NAALADL2: variants seen among roughly 807,000 people sequenced by gnomAD.
The protein encoded by NAALADL2 is inactive N-acetylated-alpha-linked acidic dipeptidase-like protein 2.
Under a neutral mutation model 87.2 loss-of-function variants are expected in NAALADL2, and 76 were observed. The ratio of observed to expected loss-of-function variants is 0.87; its 90% CI spans 0.72 to 1.05. NAALADL2 has a LOEUF of 1.05. NAALADL2 is among the 50% of genes least tolerant of loss of function. NAALADL2 has a pLI of 0.00. For missense variants in NAALADL2, 1,089 were observed against 945.8 expected (o/e 1.15, Z -1.99); for synonymous variants, 354 against 331.0 (o/e 1.07, Z -0.75).
chr3:174,749,634 T>G (rs939445474), intron 3 of NAALADL2, among the ~76,000 whole-genome samples: 2 of 152,220 alleles, frequency 1.3e-5, no homozygotes, highest in African/African-American at 2.4e-5. Context: ...CTTAAGGTTC[T>G]GCATCCATTG....
chr3:174,724,885 C>T (rs568500518), intron 2 of NAALADL2, among the ~76,000 whole-genome samples: 2 of 152,174 alleles, frequency 1.3e-5, no homozygotes, highest in African/African-American at 2.4e-5. Context: ...AATGTGACAA[C>T]TTTGAGAATT....
chr3:174,704,557 A>T (rs1477948336), intron 2 of NAALADL2, among the ~76,000 whole-genome samples: 1 of 152,150 alleles, frequency 6.6e-6, no homozygotes, highest in East Asian at 1.9e-4. Flanking sequence ...AGGATAAATG[A>T]GACAAGTTTA....
intron 3 of NAALADL2, among the ~76,000 whole-genome samples, chr3:175,239,345 A>T (rs1746438170): frequency 6.6e-6 from 1 of 152,226 alleles, no homozygotes; most frequent in Admixed American, 6.5e-5. Flanking sequence ...TATTATCATA[A>T]GGTTAAAGAC....
chr3:175,376,562 C>T (rs945023250), intron 5 of NAALADL2, among the ~76,000 whole-genome samples: 3 of 152,058 alleles, frequency 2.0e-5, no homozygotes, highest in Admixed American at 2.0e-4. Flanking sequence ...TTATTATTGA[C>T]CTTAAGCCAT....
At chr3:175,684,584 A>G (rs1736016391) in intron 11 of NAALADL2, among the ~76,000 whole-genome samples, 1 of 152,182 alleles carries the variant, frequency 6.6e-6, no homozygotes, top group South Asian at 2.1e-4. Context: ...ACTTGATGCC[A>G]GGAGTTTGAG....
intron 2 of NAALADL2, among the ~76,000 whole-genome samples, chr3:174,640,496 C>G (rs895415659): frequency 4.6e-5 from 7 of 152,152 alleles, no homozygotes; most frequent in Non-Finnish European, 8.8e-5. Context: ...GAGTCCACCT[C>G]CACCCAGAGG....
chr3:175,638,012 T>C lies in NAALADL2; in HGVS notation c.1896+10626T>C, dbSNP rs138847966. ...AGGCATAAAATAAATGTGTGACATT[T>C]GGAATAATTTTAAAAAGAGCAATAT... On this transcript the variant is annotated intron_variant, in intron 11 of 13. Transcript: ENST00000454872. Among the ~76,000 whole-genome samples, 965 of 152,330 alleles carry C rather than the reference T, an allele frequency of 6.3e-3. 6 individuals carry two copies. Among genetic ancestry groups the C allele is most frequent in the Non-Finnish European group, 0.011 (722 of 68,026 alleles).
At chr3:174,980,044 C>G (rs1191596588) in intron 1 of NAALADL2, among the ~76,000 whole-genome samples, 1 of 152,138 alleles carries the variant, frequency 6.6e-6, no homozygotes, top group Non-Finnish European at 1.5e-5. Flanking sequence ...CTCTCTCTTA[C>G]CTGAGCCCAC....
chr3:175,344,773 A>T (rs932088753), intron 5 of NAALADL2, among the ~76,000 whole-genome samples: 5 of 152,106 alleles, frequency 3.3e-5, no homozygotes, highest in African/African-American at 1.2e-4. Context: ...TTTCATATTA[A>T]TTTTTTATCA....
intron 9 of NAALADL2, among the ~76,000 whole-genome samples, chr3:175,540,672 G>A (rs542304023): frequency 6.6e-6 from 1 of 152,170 alleles, no homozygotes; most frequent in Admixed American, 6.5e-5. Flanking sequence ...GGCACTTCTG[G>A]GCCGGTGAGT....
intron 2 of NAALADL2, among the ~76,000 whole-genome samples, chr3:174,606,981 T>C (rs1578292953): frequency 1.3e-5 from 2 of 152,286 alleles, no homozygotes; most frequent in East Asian, 3.9e-4. Flanking sequence ...GCAGAAACTC[T>C]ACAAGCCAGA....
intron 2 of NAALADL2, among the ~76,000 whole-genome samples, chr3:175,231,743 G>C (rs1744965624): frequency 6.6e-6 from 1 of 152,046 alleles, no homozygotes; most frequent in South Asian, 2.1e-4. Context: ...CTCTTTGTCT[G>C]TCAATGTTAC....
At chr3:175,534,216 G>A (rs1331174944) in intron 9 of NAALADL2, among the ~76,000 whole-genome samples, 1 of 151,868 alleles carries the variant, frequency 6.6e-6, no homozygotes, top group Non-Finnish European at 1.5e-5. Flanking sequence ...AACCACTCCT[G>A]GTACCAAAAT....
intron 1 of NAALADL2, among the ~76,000 whole-genome samples, chr3:174,977,374 C>G (rs1011496908): frequency 2.0e-5 from 3 of 152,158 alleles, no homozygotes; most frequent in Non-Finnish European, 4.4e-5. Flanking sequence ...ATCCACCCAC[C>G]TCGGCCTCCC....
intron 2 of NAALADL2, among the ~76,000 whole-genome samples, chr3:174,606,956 A>G (rs1240694163): frequency 6.6e-6 from 1 of 152,230 alleles, no homozygotes; most frequent in African/African-American, 2.4e-5. Flanking sequence ...CATCAGACTA[A>G]CAGCGGATCT....
chr3:174,762,386 C>A (rs1401981886), intron 3 of NAALADL2, among the ~76,000 whole-genome samples: 1 of 148,860 alleles, frequency 6.7e-6, no homozygotes, highest in African/African-American at 2.5e-5. Flanking sequence ...ATCTCCTGAC[C>A]TCGTGGTCCT....
rs139688315 is a variant in NAALADL2, at chr3:175,046,425, T to C, written c.44-50365T>C. Reference sequence around the variant, plus strand: ...GCTTTTCATACTTTTTTTTCATAAATCTATTGTTGTCCATATTTCCAAGTG... The same window carrying C: ...GCTTTTCATACTTTTTTTTCATAAACCTATTGTTGTCCATATTTCCAAGTG... On this transcript the variant is annotated intron_variant, in intron 1 of 13. Coordinates refer to ENST00000454872, the MANE Select transcript of NAALADL2 (RefSeq NM_207015.3). 7.0e-3 allele frequency among the ~76,000 whole-genome samples: 1,065 copies of C among 152,246 alleles called. 19 individuals are homozygous for C. The highest frequency in any genetic ancestry group is 0.024 in the African/African-American group (1,001 of 41,562).
At chr3:175,592,489 T>C (rs9813158) in intron 10 of NAALADL2, among the ~76,000 whole-genome samples, 140,935 of 151,904 alleles carry the variant, frequency 0.93, 65,459 homozygotes, top group Admixed American at 0.95. Context: ...TTCACGACCA[T>C]GTCATCCTAT....
intron 13 of NAALADL2, among the ~76,000 whole-genome samples, chr3:175,791,203 C>G (rs909028224): frequency 2.0e-5 from 3 of 152,200 alleles, no homozygotes; most frequent in African/African-American, 7.2e-5. Flanking sequence ...GAGGATAATT[C>G]TAAAAGAATC....
Sources: gnomAD v4.1 joint callset for allele counts (sites outside exome capture counted in the v4.1 genomes callset) on GRCh38, gnomAD v4.1.1 for gene constraint, MANE v1.5 for transcripts, NCBI Gene and HGNC (gene_info 2026-07-23, HGNC 2026-07-21) for gene names.